RASSF3: variants seen among roughly 807,000 people sequenced by gnomAD.
The protein encoded by RASSF3 is Ras association domain family member 3, also known as ras association domain-containing protein 3.
Under a neutral mutation model 19.9 loss-of-function variants are expected in RASSF3, and 19 were observed. The observed-to-expected ratio is 0.96, with a 90% CI of 0.67 to 1.40. The LOEUF (loss-of-function observed/expected upper bound fraction) is 1.40. Ranked by LOEUF, RASSF3 falls within the 40% of genes most tolerant of loss-of-function variation. The probability of loss-of-function intolerance (pLI) is 0.00; values close to 1 mark genes in which losing one functional copy is unlikely to be tolerated. For synonymous variants in RASSF3, 110 were observed against 104.2 expected (o/e 1.06, Z -0.34); for missense variants, 306 against 289.8 (o/e 1.06, Z -0.41).
chr12:64,567,458 G>A (rs1869449523), intron 2 of RASSF3, among the ~76,000 whole-genome samples: 1 of 152,126 alleles, frequency 6.6e-6, no homozygotes, highest in African/African-American at 2.4e-5. Context: ...AATGTGAGTG[G>A]AAATGCTGCT....
At chr12:64,629,179 T>A (rs1871089744) in intron 1 of RASSF3, among the ~76,000 whole-genome samples, 1 of 151,876 alleles carries the variant, frequency 6.6e-6, no homozygotes, top group African/African-American at 2.4e-5. Context: ...TTTGGCTCAC[T>A]GCAACCTCTG....
chr12:64,669,967 G>C (rs1872645869), intron 1 of RASSF3, among the ~76,000 whole-genome samples: 1 of 148,202 alleles, frequency 6.7e-6, no homozygotes, highest in South Asian at 2.1e-4. Flanking sequence ...TTTATACATT[G>C]GTCAGCTGAT....
At chr12:64,650,407 C>CCTTT (rs1871902416) in intron 1 of RASSF3, among the ~76,000 whole-genome samples, 1 of 112,572 alleles carries the variant, frequency 8.9e-6, no homozygotes, top group African/African-American at 3.7e-5. Flanking sequence ...CTTTTTTTTT[C>CCTTT]CTTTTTTTTT....
At chr12:64,664,886 G>A (rs1872496360) in intron 1 of RASSF3, among the ~76,000 whole-genome samples, 2 of 152,092 alleles carry the variant, frequency 1.3e-5, no homozygotes, top group Non-Finnish European at 2.9e-5. Context: ...CCTATTATTG[G>A]TATTAAAAAT....
At chr12:64,563,848 A>G (rs1869386514) in intron 2 of RASSF3, among the ~76,000 whole-genome samples, 1 of 152,136 alleles carries the variant, frequency 6.6e-6, no homozygotes, top group Non-Finnish European at 1.5e-5. Context: ...CTAACATATT[A>G]CATACTCTGT....
At chr12:64,676,016 T>G (rs1433066694) in intron 1 of RASSF3, among the ~76,000 whole-genome samples, 1 of 151,832 alleles carries the variant, frequency 6.6e-6, no homozygotes, top group East Asian at 1.9e-4. Flanking sequence ...AAGATAAGCA[T>G]TGAGTCTCTA....
intron 1 of RASSF3, among the ~76,000 whole-genome samples, chr12:64,524,998 G>A (rs1229491832): frequency 1.3e-5 from 2 of 152,186 alleles, no homozygotes; most frequent in Non-Finnish European, 2.9e-5. Context: ...TGTAGTGGCC[G>A]GACACAGTGG....
chr12:64,555,735 C>A (rs1464557392), intron 2 of RASSF3, among the ~76,000 whole-genome samples: 3 of 139,456 alleles, frequency 2.2e-5, no homozygotes, highest in Admixed American at 7.5e-5. Flanking sequence ...GGCAACAGAG[C>A]AAGACTCTAT....
At position 64,610,583 on chromosome 12, in the gene RASSF3, TGGCCGCCTGCGCCCCGGGGA is replaced by T; in HGVS notation, c.-42_-23del. ...GCTGGCGGGCGCCGCACCCCCTCCC[TGGCCGCCTGCGCCCCGGGGA>T]GGCCGCCCGCGCGCGACGGGACCGG... On this transcript the variant is annotated 5_prime_UTR_variant, in exon 1 of 5. Transcript: ENST00000542104. 8.5e-7 allele frequency: 1 copy of T among 1,181,020 alleles called. No homozygotes were observed. 73.2% of individuals were successfully genotyped at this position (1,181,020 alleles called of 1,614,324 possible).
At chr12:64,655,347 A>G (rs886926081) in intron 1 of RASSF3, among the ~76,000 whole-genome samples, 2 of 152,232 alleles carry the variant, frequency 1.3e-5, no homozygotes, top group African/African-American at 4.8e-5. Context: ...GGTTTCTTTG[A>G]TAAGAGAGAG....
chr12:64,543,024 G>GC (rs199754632), downstream of RASSF3, among the ~76,000 whole-genome samples: 4,347 of 76,310 alleles, frequency 0.057, 286 homozygotes, highest in East Asian at 0.22. Flanking sequence ...GGAGTGGCGG[G>GC]CCCCGCACTT....
chr12:64,534,419 C>G (rs1333549320), intron 1 of RASSF3, among the ~76,000 whole-genome samples: 1 of 152,174 alleles, frequency 6.6e-6, no homozygotes, highest in Non-Finnish European at 1.5e-5. Context: ...CGCTTGAGCC[C>G]AGGAATTTGA....
intron 2 of RASSF3, among the ~76,000 whole-genome samples, chr12:64,571,441 C>A (rs1341961423): frequency 6.6e-6 from 1 of 152,124 alleles, no homozygotes; most frequent in African/African-American, 2.4e-5. Context: ...TGAGCACAAT[C>A]AGGAAGCCTT....
intron 1 of RASSF3, among the ~76,000 whole-genome samples, chr12:64,659,441 G>C (rs17100523): frequency 6.6e-6 from 1 of 152,088 alleles, no homozygotes; most frequent in Non-Finnish European, 1.5e-5. Context: ...ATTCCGAGGC[G>C]GTCTGAGCAT....
intron 1 of RASSF3, among the ~76,000 whole-genome samples, chr12:64,650,433 G>C (rs1192262918): frequency 7.3e-5 from 1 of 13,676 alleles, no homozygotes; most frequent in South Asian, 1.7e-3. Flanking sequence ...TTTTTTTTTT[G>C]AGACAGAGTC....
At chr12:64,530,157 A>G (rs983666338), upstream of RASSF3, among the ~76,000 whole-genome samples, 1 of 152,112 alleles carries the variant, frequency 6.6e-6, no homozygotes, top group Non-Finnish European at 1.5e-5. Context: ...GTCATTATAG[A>G]TTAGTTTGCA....
intron 1 of RASSF3, among the ~76,000 whole-genome samples, chr12:64,508,507 A>C (rs1868305302): frequency 6.8e-6 from 1 of 146,862 alleles, no homozygotes; most frequent in Admixed American, 6.8e-5. Context: ...ACAAGAGCTA[A>C]ACTTCGTCTC....
chr12:64,611,754 G>C, intron 1 of RASSF3: 1 of 152,386 alleles, frequency 6.6e-6, no homozygotes, highest in Non-Finnish European at 1.5e-5. Flanking sequence ...GAATCGTTCA[G>C]GGGCCGGATG....
intron 1 of RASSF3, among the ~76,000 whole-genome samples, chr12:64,681,375 T>C (rs920506190): frequency 6.6e-6 from 1 of 152,220 alleles, no homozygotes; most frequent in South Asian, 2.1e-4. Flanking sequence ...GAGGAGGTGA[T>C]TGACTCTAGT....
Sources: allele counts gnomAD v4.1 joint callset (sites outside exome capture counted in the v4.1 genomes callset), GRCh38; gene constraint gnomAD v4.1.1; transcripts MANE v1.5; gene names NCBI Gene and HGNC (gene_info 2026-07-23, HGNC 2026-07-21).